SAMD5: variants seen among roughly 807,000 people sequenced by gnomAD.
SAMD5 encodes sterile alpha motif domain-containing protein 5.
In SAMD5, 13 loss-of-function variants were observed where a neutral mutation model predicts 11.3. The observed-to-expected ratio is 1.15, with a 90% CI of 0.75 to 1.83. The LOEUF (loss-of-function observed/expected upper bound fraction) is 1.83, where lower values mean the gene tolerates loss of function less well. Among genes scored for constraint, SAMD5 ranks in the 40% most tolerant of loss-of-function variants. SAMD5 has a pLI of 0.00. For synonymous variants in SAMD5, 129 were observed against 111.3 expected (o/e 1.16, Z -1.00); for missense variants, 255 against 239.1 (o/e 1.07, Z -0.44).
At chr6:147,885,320 T>C in the SAMD5 span, among the ~76,000 whole-genome samples, 1 of 152,172 alleles carries the variant, frequency 6.6e-6, no homozygotes, top group Non-Finnish European at 1.5e-5. Flanking sequence ...TTTTTAAGTT[T>C]ATAGTATTGT....
intron 1 of SAMD5, among the ~76,000 whole-genome samples, chr6:147,734,772 A>G (rs1791771399): frequency 6.7e-6 from 1 of 150,364 alleles, no homozygotes; most frequent in African/African-American, 2.4e-5. Flanking sequence ...ATATCTGGAT[A>G]ATTAAATCCG....
intron 1 of SAMD5, among the ~76,000 whole-genome samples, chr6:147,575,957 T>C (rs774686008): frequency 5.9e-5 from 9 of 152,134 alleles, no homozygotes; most frequent in Admixed American, 2.0e-4. Context: ...TTAATAATAA[T>C]GCCTGATTAT....
At chr6:147,843,496 A>T in the SAMD5 span, among the ~76,000 whole-genome samples, 55,181 of 152,000 alleles carry the variant, frequency 0.36, 11,480 homozygotes, top group African/African-American at 0.57. Flanking sequence ...TTTTAAATCC[A>T]AAAATTTATA....
chr6:147,778,267 C>G, the SAMD5 span, among the ~76,000 whole-genome samples: 1 of 152,170 alleles, frequency 6.6e-6, no homozygotes, highest in Non-Finnish European at 1.5e-5. Flanking sequence ...ATTTCTATCC[C>G]TTTGGTGATC....
intron 1 of SAMD5, among the ~76,000 whole-genome samples, chr6:147,678,798 C>A (rs1303267139): frequency 6.6e-6 from 1 of 152,054 alleles, no homozygotes; most frequent in Non-Finnish European, 1.5e-5. Flanking sequence ...TTTAAAACAC[C>A]TTTAATGAGG....
At chr6:147,528,516 C>G (rs190293106) in intron 1 of SAMD5, among the ~76,000 whole-genome samples, 2 of 152,296 alleles carry the variant, frequency 1.3e-5, no homozygotes, top group East Asian at 3.9e-4. Context: ...GTAATCACCT[C>G]TTTAAAGGCC....
the SAMD5 span, among the ~76,000 whole-genome samples, chr6:147,807,569 CTT>C: frequency 6.6e-6 from 1 of 152,174 alleles, no homozygotes; most frequent in Non-Finnish European, 1.5e-5. Context: ...AAAAAAAAAT[CTT>C]TGGTCTTTTC....
At chr6:147,516,546 C>T (rs1788173914) in intron 1 of SAMD5, among the ~76,000 whole-genome samples, 1 of 152,302 alleles carries the variant, frequency 6.6e-6, no homozygotes. Context: ...TATCCTAGAA[C>T]TGCCATAAAA....
chr6:147,640,109 C>T (rs1222674052), intron 1 of SAMD5, among the ~76,000 whole-genome samples: 2 of 151,822 alleles, frequency 1.3e-5, no homozygotes, highest in African/African-American at 2.4e-5. Context: ...GGGCAGATCA[C>T]GAGGTAAAGA....
chr6:147,566,742 T>C lies in SAMD5; in HGVS notation c.*2286T>C. ...AATGGATTTTAAAAAGACATCTTAG[T>C]TAAAGCTAGAGGAAGAAAACTTCAA... On this transcript the variant is annotated 3_prime_UTR_variant, in exon 2 of 2. Transcript: ENST00000367474. 2.0e-6 allele frequency: 2 copies of C among 985,300 alleles called. No individual in the cohort carries two copies. Among genetic ancestry groups the C allele is most frequent in the African/African-American group, 3.5e-5 (2 of 57,352 alleles). The allele number at this position is 985,300 out of a possible 1,614,324, so 61.0% of individuals were successfully genotyped here.
At chr6:147,531,489 G>T (rs2128441146) in intron 1 of SAMD5, among the ~76,000 whole-genome samples, 1 of 152,210 alleles carries the variant, frequency 6.6e-6, no homozygotes, top group East Asian at 1.9e-4. Flanking sequence ...CATCTCATCT[G>T]CCCCAGGCCC....
At chr6:147,852,869 C>T in the SAMD5 span, among the ~76,000 whole-genome samples, 2 of 152,178 alleles carry the variant, frequency 1.3e-5, no homozygotes, top group South Asian at 2.1e-4. Context: ...ACTTAAATTA[C>T]AGCCAATTTA....
chr6:147,525,837 C>T (rs759528352), intron 1 of SAMD5, among the ~76,000 whole-genome samples: 38 of 152,216 alleles, frequency 2.5e-4, no homozygotes, highest in South Asian at 4.2e-4. Flanking sequence ...GATGTGTTCA[C>T]GTACAAGAAG....
chr6:147,872,917 T>G, the SAMD5 span, among the ~76,000 whole-genome samples: 1 of 152,214 alleles, frequency 6.6e-6, no homozygotes, highest in Non-Finnish European at 1.5e-5. Context: ...TGTCCAATTT[T>G]AAACAATTTT....
intron 1 of SAMD5, among the ~76,000 whole-genome samples, chr6:147,678,165 A>G (rs764188391): frequency 2.2e-4 from 33 of 152,196 alleles, no homozygotes; most frequent in Non-Finnish European, 4.1e-4. Context: ...GGCAACTCTT[A>G]TCTTCTCGTT....
the SAMD5 span, among the ~76,000 whole-genome samples, chr6:147,743,758 A>G: frequency 7.2e-5 from 11 of 152,312 alleles, no homozygotes; most frequent in African/African-American, 2.4e-4. Context: ...TTAATTCACA[A>G]TAGGCATTTT....
the SAMD5 span, among the ~76,000 whole-genome samples, chr6:147,856,802 A>C: frequency 8.2e-6 from 1 of 121,266 alleles, no homozygotes; most frequent in Non-Finnish European, 1.6e-5. Context: ...TGGCTTAATG[A>C]CTTAGTTTTC....
At chr6:147,620,614 A>G (rs1171861056) in intron 1 of SAMD5, among the ~76,000 whole-genome samples, 1 of 152,182 alleles carries the variant, frequency 6.6e-6, no homozygotes, top group East Asian at 1.9e-4. Flanking sequence ...ACACTTCTAG[A>G]AGGACCCGGA....
At chr6:147,926,835 G>A in the SAMD5 span, among the ~76,000 whole-genome samples, 3 of 152,136 alleles carry the variant, frequency 2.0e-5, no homozygotes, top group African/African-American at 4.8e-5. Flanking sequence ...AATCCATCTT[G>A]AGTTGATTTT....
Sources: allele counts gnomAD v4.1 joint callset (sites outside exome capture counted in the v4.1 genomes callset), GRCh38; gene constraint gnomAD v4.1.1; transcripts MANE v1.5; gene names NCBI Gene and HGNC (gene_info 2026-07-23, HGNC 2026-07-21).